The following MFAP1 variants were observed in gnomAD, a reference collection of about 807,000 sequenced individuals.
MFAP1 encodes microfibrillar-associated protein 1.
MFAP1 carries 18 observed loss-of-function variants against 62.2 expected under a neutral mutation model. The observed-to-expected ratio is 0.29, with a 90% confidence interval of 0.20 to 0.43. The LOEUF is 0.43. Ranked by LOEUF, MFAP1 falls within the 20% of genes least tolerant of loss-of-function variation. The pLI is 1.00. For missense variants in MFAP1, 355 were observed against 559.7 expected (o/e 0.63, Z 3.69); for synonymous variants, 175 against 180.4 (o/e 0.97, Z 0.24).
chr15:43,823,882 G>A (rs919766811), intron 1 of MFAP1, among the ~76,000 whole-genome samples: 4 of 152,148 alleles, frequency 2.6e-5, no homozygotes, highest in African/African-American at 9.7e-5. Flanking sequence ...AGGACAGCCT[G>A]AGCCCCAGGA....
chr15:43,817,379 A>G lies in MFAP1; in HGVS notation c.149T>C (p.Met50Thr). The change falls in exon 2 of 9, where the codon ATG becomes ACG. Residue 50 changes from methionine (M) to threonine (T), a missense_variant. Coordinates refer to ENST00000267812, the MANE Select transcript of MFAP1 (RefSeq NM_005926.3). ...VSGKRPDYAPMESSDEEDEEF... is the reference protein window; with the variant it reads ...VSGKRPDYAPTESSDEEDEEF... ...TTCATCCTCCTCATCTGAGGACTCCATAGGGGCATAGTCTGGCCTTTTTCC... is the reference window on the plus strand; with the variant it reads ...TTCATCCTCCTCATCTGAGGACTCCGTAGGGGCATAGTCTGGCCTTTTTCC... The G allele has an allele frequency of 1.2e-6, 2 of 1,614,140 alleles. No homozygotes were observed. Among genetic ancestry groups the G allele is most frequent in the South Asian group, 1.1e-5 (1 of 91,086 alleles).
chr15:43,806,080 C>G, intron 7 of MFAP1, among the ~76,000 whole-genome samples: 1 of 151,886 alleles, frequency 6.6e-6, no homozygotes, highest in Non-Finnish European at 1.5e-5. Flanking sequence ...ACCTCAGCCT[C>G]CTGAGTGGCT....
chr15:43,810,788 G>T (rs1280675963), intron 6 of MFAP1, among the ~76,000 whole-genome samples: 2 of 151,576 alleles, frequency 1.3e-5, no homozygotes, highest in African/African-American at 4.8e-5. Flanking sequence ...ATGGAATCTT[G>T]CTCTGTTGCC....
intron 6 of MFAP1, among the ~76,000 whole-genome samples, chr15:43,811,937 C>T (rs1322365815): frequency 2.6e-5 from 4 of 152,108 alleles, no homozygotes; most frequent in East Asian, 1.9e-4. Context: ...ATGCCATAAT[C>T]CCAGCACTTT....
In MFAP1 at chr15:43,804,921, G is replaced by T; in HGVS notation, c.*173C>A. The T allele has an allele frequency of 1.7e-6, 1 of 605,548 alleles. No homozygotes were observed. Among genetic ancestry groups the T allele is most frequent in the Non-Finnish European group, 2.7e-6 (1 of 366,382 alleles). 37.5% of individuals were successfully genotyped at this position (605,548 alleles called of 1,614,324 possible). A position where few individuals can be genotyped will look rare whatever the true frequency, so the allele number is the denominator to read the frequency against. On this transcript the variant is annotated 3_prime_UTR_variant, in exon 9 of 9. Coordinates refer to ENST00000267812, the MANE Select transcript of MFAP1 (RefSeq NM_005926.3). ...TGCTTTCCTGTGGGTTTCTCAGCAT[G>T]AGTCCAAACCTCACAAAGCACCTTC...
At chr15:43,812,957 C>T (rs1318760545) in intron 6 of MFAP1, 30 bp downstream of exon 6, 1 of 1,610,830 alleles carries the variant, frequency 6.2e-7, no homozygotes, top group Non-Finnish European at 8.5e-7. Flanking sequence ...CCATTAGCAG[C>T]ATTAACTCTA....
At chr15:43,820,285 C>A (rs936517954) in intron 1 of MFAP1, among the ~76,000 whole-genome samples, 16 of 152,178 alleles carry the variant, frequency 1.1e-4, no homozygotes, top group African/African-American at 3.6e-4. Flanking sequence ...CCACTGCACT[C>A]CAGCCTAGGC....
At chr15:43,808,108 C>T (rs2141704962) in intron 7 of MFAP1, among the ~76,000 whole-genome samples, 1 of 152,336 alleles carries the variant, frequency 6.6e-6, no homozygotes, top group African/African-American at 2.4e-5. Flanking sequence ...CCACTGCACT[C>T]TAGCCTGAGT....
intron 4 of MFAP1, 40 bp from the exon 5 acceptor site, chr15:43,813,397 G>T: frequency 6.4e-7 from 1 of 1,570,026 alleles, no homozygotes; most frequent in Middle Eastern, 1.7e-4. Flanking sequence ...AAAGTCCTTA[G>T]AGTGGAGTGC....
At chr15:43,814,898 C>G in intron 3 of MFAP1, 47 bp downstream of exon 3, 3 of 1,607,446 alleles carry the variant, frequency 1.9e-6, no homozygotes, top group Non-Finnish European at 2.5e-6. Context: ...CTGGCATGAA[C>G]TTTTTCTTAT....
intron 1 of MFAP1, 72 bp downstream of exon 1, chr15:43,824,419 G>A (rs948930629): frequency 2.0e-6 from 3 of 1,523,724 alleles, no homozygotes; most frequent in Admixed American, 1.7e-5. Flanking sequence ...TGGTCTGTCC[G>A]GGAGAGGTCT....
chr15:43,823,870 GGAGGACAGCCTGAGCCCCAGGAATTC>G (rs1385669523), intron 1 of MFAP1, among the ~76,000 whole-genome samples: 1 of 152,186 alleles, frequency 6.6e-6, no homozygotes, highest in African/African-American at 2.4e-5. Flanking sequence ...GGCTGAGGCA[GGAGGACAGCCTGAGCCCCAGGAATTC>G]GAGTCCAGCC....
Position 43,804,537 on chromosome 15 carries a change from G to A in MFAP1, c.*557C>T, listed in dbSNP as rs2087349484. On this transcript the variant is annotated 3_prime_UTR_variant, in exon 9 of 9. Coordinates refer to ENST00000267812, the MANE Select transcript of MFAP1 (RefSeq NM_005926.3). ...TTACTTTAATAGGCAATTAATACTTGTCAGCTTGGACATTTTATTTCCAGT... is the reference window on the plus strand; with the variant it reads ...TTACTTTAATAGGCAATTAATACTTATCAGCTTGGACATTTTATTTCCAGT... The A allele has an allele frequency of 6.6e-6, 1 of 152,136 alleles. No individual in the cohort carries two copies. The highest frequency in any genetic ancestry group is 1.5e-5 in the Non-Finnish European group (1 of 68,032). The allele number at this position is 152,136 out of a possible 1,614,324, so 9.4% of individuals were successfully genotyped here. A position where few individuals can be genotyped will look rare whatever the true frequency, so the allele number is the denominator to read the frequency against.
chr15:43,819,706 A>AT (rs1362359944), intron 1 of MFAP1, among the ~76,000 whole-genome samples: 1 of 151,756 alleles, frequency 6.6e-6, no homozygotes. Context: ...TAATTTGTGT[A>AT]TTTTTTAGTA....
At chr15:43,808,606 G>A (rs574777358) in intron 7 of MFAP1, among the ~76,000 whole-genome samples, 1 of 152,330 alleles carries the variant, frequency 6.6e-6, no homozygotes, top group African/African-American at 2.4e-5. Context: ...CAAACTTTAT[G>A]ACCGAAGCAG....
At chr15:43,811,713 G>T (rs1159566299) in intron 6 of MFAP1, among the ~76,000 whole-genome samples, 1 of 151,762 alleles carries the variant, frequency 6.6e-6, no homozygotes, top group Non-Finnish European at 1.5e-5. Flanking sequence ...TCACCATGTT[G>T]GCCAAGCTGG....
chr15:43,809,772 G>A lies in MFAP1; in HGVS notation c.1030C>T (p.Arg344Trp), dbSNP rs756088799. 6.2e-7 allele frequency: 1 copy of A among 1,613,692 alleles called. No individual in the cohort carries two copies. Among genetic ancestry groups the A allele is most frequent in the Non-Finnish European group, 8.5e-7 (1 of 1,179,728 alleles). The change falls in exon 7 of 9, where the codon CGG becomes TGG. Residue 344 changes from arginine to tryptophan, a missense_variant. This residue lies in a region of MFAP1 where 24 missense variants were observed against 57.0 expected (regional missense o/e 0.42). Transcript: ENST00000267812. The stretch of plus-strand genomic sequence containing the variant: ...CTTCTTACCATGAAGAAGGCACCCC[G>A]GTGATAATACTTCTGTAAGAACTTG... ...KYKFLQKYYH[R>W]GAFFMDEDEE...
At position 43,811,504 on chromosome 15, in the gene MFAP1, T is replaced by C. The variant is rs571208940; in HGVS notation, c.887+1483A>G. On this transcript the variant is annotated intron_variant, in intron 6 of 8. Coordinates refer to ENST00000267812, the MANE Select transcript of MFAP1 (RefSeq NM_005926.3). ...TAGCTCATACTCAGGCAAGTTTTCT[T>C]TTTTTCTTTTTTTTTTTTTTCCAGA... Among the ~76,000 whole-genome samples the C allele has an allele frequency of 2.0e-5, 3 of 150,762 alleles. No homozygotes were observed. In the South Asian group the frequency reaches 6.3e-4, roughly 31 times the overall value.
chr15:43,824,635 A>G lies in MFAP1; in HGVS notation c.-66T>C. 6.5e-7 allele frequency: 1 copy of G among 1,539,946 alleles called. No individual in the cohort carries two copies. The highest frequency in any genetic ancestry group is 9.0e-7 in the Non-Finnish European group (1 of 1,114,178). On this transcript the variant is annotated 5_prime_UTR_variant, in exon 1 of 9. Transcript: ENST00000267812. Reference sequence around the variant, plus strand: ...CCAAACAGTGAACACCAGCAACGTCAACGAAGAGAAGAAATTCCTTCCACC... The same window carrying G: ...CCAAACAGTGAACACCAGCAACGTCGACGAAGAGAAGAAATTCCTTCCACC...
Sources: allele counts gnomAD v4.1 joint callset (sites outside exome capture counted in the v4.1 genomes callset), GRCh38; gene constraint gnomAD v4.1.1; regional missense constraint gnomAD v4.1.1; transcripts MANE v1.5; gene names NCBI Gene and HGNC (gene_info 2026-07-23, HGNC 2026-07-21).